Variants in PRRG1 observed in about 807,000 individuals in gnomAD.
PRRG1 encodes the protein proline rich and Gla domain 1, also known as transmembrane gamma-carboxyglutamic acid protein 1.
Under a neutral mutation model 11.8 loss-of-function variants are expected in PRRG1, and 5 were observed. The observed-to-expected ratio is 0.42, with a 90% CI of 0.22 to 0.89. The LOEUF (loss-of-function observed/expected upper bound fraction) is 0.89, where lower values mean the gene tolerates loss of function less well. Ranked by LOEUF, PRRG1 falls within the 40% of genes least tolerant of loss-of-function variation. The pLI, the probability that PRRG1 is intolerant of heterozygous loss-of-function variation, is 0.28. For synonymous variants in PRRG1, 66 were observed against 60.4 expected (o/e 1.09, Z -0.43); for missense variants, 155 against 166.1 (o/e 0.93, Z 0.37).
At chrX:37,365,631 G>C (rs1930551642) in intron 1 of PRRG1, among the ~76,000 whole-genome samples, 3 of 112,122 alleles carry the variant, frequency 2.7e-5, no homozygotes, top group Admixed American at 1.9e-4. Flanking sequence ...CAGCCAGCCA[G>C]GGTTAAAGCA....
chrX:37,365,325 A>G (rs1023455929), intron 1 of PRRG1, among the ~76,000 whole-genome samples: 11 of 111,327 alleles, frequency 9.9e-5, no homozygotes, highest in Non-Finnish European at 1.9e-4. Flanking sequence ...ATGTTCCAGT[A>G]GATAACCTCA....
intron 1 of PRRG1, among the ~76,000 whole-genome samples, chrX:37,387,439 G>A (rs1387555688): frequency 1.8e-5 from 2 of 111,804 alleles, no homozygotes; most frequent in East Asian, 2.8e-4. Flanking sequence ...TGTACAGGAA[G>A]CATGATACTG....
At chrX:37,355,723 G>A (rs1389351073) in intron 1 of PRRG1, among the ~76,000 whole-genome samples, 5 of 112,014 alleles carry the variant, frequency 4.5e-5, no homozygotes, top group African/African-American at 1.6e-4. Flanking sequence ...AGGTTTGTTT[G>A]CACACTACTG....
At chrX:37,364,957 A>G (rs1930523782) in intron 1 of PRRG1, among the ~76,000 whole-genome samples, 1 of 112,042 alleles carries the variant, frequency 8.9e-6, no homozygotes, top group Non-Finnish European at 1.9e-5. Flanking sequence ...CCCTTCCTAC[A>G]TATAGTCATA....
chrX:37,431,783 T>C (rs1932829905), intron 3 of PRRG1, among the ~76,000 whole-genome samples: 1 of 111,596 alleles, frequency 9.0e-6, no homozygotes, highest in Non-Finnish European at 1.9e-5. Flanking sequence ...TTGTTTGTTT[T>C]TGGAGACAGA....
chrX:37,381,236 T>C (rs782297519), intron 1 of PRRG1, among the ~76,000 whole-genome samples: 1 of 111,937 alleles, frequency 8.9e-6, no homozygotes, highest in East Asian at 2.8e-4. Flanking sequence ...GTCTAAGTTG[T>C]TTTAAGAAGC....
At position 37,453,704 on chromosome X, in the gene PRRG1, C is replaced by G; in HGVS notation, c.*83C>G. 1.0e-6 allele frequency: 1 copy of G among 954,527 alleles called. No individual in the cohort carries two copies. Among genetic ancestry groups the G allele is most frequent in the Middle Eastern group, 2.9e-4 (1 of 3,435 alleles). 78.7% of individuals were successfully genotyped at this position (954,527 alleles called of 1,213,427 possible). Reference sequence around the variant, plus strand: ...AGCACTTTACCACTACATAAATGTTCATTGACTTATTTTATTGGACTCTTA... The same window carrying G: ...AGCACTTTACCACTACATAAATGTTGATTGACTTATTTTATTGGACTCTTA... On this transcript the variant is annotated 3_prime_UTR_variant, in exon 4 of 4. Transcript: ENST00000378628.
chrX:37,412,836 T>C (rs906261202), intron 2 of PRRG1, among the ~76,000 whole-genome samples: 3 of 111,519 alleles, frequency 2.7e-5, no homozygotes, highest in African/African-American at 9.8e-5. Context: ...TTTAGAAAGG[T>C]TTCTCAACTT....
chrX:37,376,834 A>G (rs1234898212), intron 1 of PRRG1, among the ~76,000 whole-genome samples: 1 of 107,341 alleles, frequency 9.3e-6, no homozygotes, highest in Non-Finnish European at 1.9e-5. Context: ...TGAGCAACCT[A>G]TATAATCCCA....
At chrX:37,357,168 G>A (rs5918410) in intron 1 of PRRG1, among the ~76,000 whole-genome samples, 33,938 of 109,988 alleles carry the variant, frequency 0.31, 7,227 homozygotes, top group African/African-American at 0.77. Context: ...TAAAGTATGC[G>A]GCTTTTTCAT....
At chrX:37,413,334 C>A (rs1364512850) in intron 2 of PRRG1, among the ~76,000 whole-genome samples, 1 of 110,764 alleles carries the variant, frequency 9.0e-6, no homozygotes, top group Non-Finnish European at 1.9e-5. Context: ...CCCTCTCCAC[C>A]CCTGGCAATC....
chrX:37,358,137 A>G (rs1384641996), intron 1 of PRRG1, among the ~76,000 whole-genome samples: 4 of 109,894 alleles, frequency 3.6e-5, no homozygotes, highest in African/African-American at 1.3e-4. Context: ...AGTTGTTTGT[A>G]TATTTTGGAT....
chrX:37,430,506 A>G (rs1252662569), intron 3 of PRRG1, among the ~76,000 whole-genome samples: 1 of 112,039 alleles, frequency 8.9e-6, no homozygotes, highest in Non-Finnish European at 1.9e-5. Context: ...AAAAACATCA[A>G]TATATTAATA....
chrX:37,432,522 G>A (rs782761527), intron 3 of PRRG1, among the ~76,000 whole-genome samples: 5 of 111,736 alleles, frequency 4.5e-5, no homozygotes, highest in East Asian at 2.8e-4. Flanking sequence ...TCCTTCAACT[G>A]TGAGAGAATT....
At chrX:37,402,352 C>G (rs1168347645) in intron 1 of PRRG1, among the ~76,000 whole-genome samples, 1 of 111,646 alleles carries the variant, frequency 9.0e-6, no homozygotes, top group East Asian at 2.8e-4. Flanking sequence ...ACCATCTGAT[C>G]TTTGACAAAC....
In PRRG1 at chrX:37,362,108, A is replaced by T. The variant is rs996804486; in HGVS notation, c.-42+12713A>T. ...TCAAAAAAATTATAGAAGTAAAAAA[A>T]GAAATTTAGTTATTTAGGTTTATAA... On this transcript the variant is annotated intron_variant, in intron 1 of 3. Transcript: ENST00000378628. Among the ~76,000 whole-genome samples the T allele has an allele frequency of 6.2e-5, 7 of 112,188 alleles. No homozygotes were observed. The South Asian group carries it at 2.6e-3, about 41-fold the overall frequency.
chrX:37,382,779 A>T (rs1556374099), intron 1 of PRRG1, among the ~76,000 whole-genome samples: 1 of 111,684 alleles, frequency 9.0e-6, no homozygotes, highest in Non-Finnish European at 1.9e-5. Context: ...ACATCAAATA[A>T]GATACACATG....
chrX:37,418,503 AT>A (rs782489729), intron 2 of PRRG1, among the ~76,000 whole-genome samples: 33 of 112,248 alleles, frequency 2.9e-4, no homozygotes, highest in Non-Finnish European at 5.5e-4. Flanking sequence ...AAAATTTTCA[AT>A]TTGAGCAAAT....
At chrX:37,396,378 TGAATTCCCACGTGTTATGGGAGG>T (rs1931714697) in intron 1 of PRRG1, among the ~76,000 whole-genome samples, 1 of 111,710 alleles carries the variant, frequency 9.0e-6, no homozygotes, top group Non-Finnish European at 1.9e-5. Context: ...AATCTCATCT[TGAATTCCCACGTGTTATGGGAGG>T]GACCCAGTGG....
Sources: gnomAD v4.1 joint callset for allele counts (sites outside exome capture counted in the v4.1 genomes callset) on GRCh38, gnomAD v4.1.1 for gene constraint, MANE v1.5 for transcripts, NCBI Gene and HGNC (gene_info 2026-07-23, HGNC 2026-07-21) for gene names.